The following GLS variants were observed in gnomAD, a reference collection of about 807,000 sequenced individuals.
GLS encodes glutaminase kidney isoform, mitochondrial.
GLS carries 36 observed loss-of-function variants against 86.7 expected under a neutral mutation model. That is an observed-to-expected ratio of 0.42 (90% CI 0.32 to 0.55). The LOEUF (loss-of-function observed/expected upper bound fraction) is 0.55. Among genes scored for constraint, GLS ranks in the 20% least tolerant of loss-of-function variants. The pLI is 0.17. For missense variants in GLS, 528 were observed against 833.4 expected (o/e 0.63, Z 4.51); for synonymous variants, 317 against 305.9 (o/e 1.04, Z -0.38).
intron 9 of GLS, among the ~76,000 whole-genome samples, chr2:190,922,214 C>A (rs373914163): frequency 6.6e-6 from 1 of 151,966 alleles, no homozygotes; most frequent in Non-Finnish European, 1.5e-5. Flanking sequence ...GGCAGCAGGC[C>A]GTATAGTGGA....
At position 190,895,742 on chromosome 2, in the gene GLS, A is replaced by C. The variant is rs964222551; in HGVS notation, c.605+17A>C. On this transcript the variant is annotated intron_variant, in intron 3 of 17. Transcript: ENST00000320717. The surrounding 1 kb of genome is among the most constrained non-coding windows in gnomAD (Gnocchi z 4.2). ...TTTTAAAAAGTAAAAGTTTCTGCCAAACCTTTAATGGTGATTTGCTATGCT... is the reference window on the plus strand; with the variant it reads ...TTTTAAAAAGTAAAAGTTTCTGCCACACCTTTAATGGTGATTTGCTATGCT... 1 of 1,574,038 alleles carries C rather than the reference A, an allele frequency of 6.4e-7. No homozygotes were observed. The highest frequency in any genetic ancestry group is 1.2e-5 in the South Asian group (1 of 85,272).
Position 190,931,213 on chromosome 2 carries a change from G to GTT in GLS, c.1558-331_1558-330insTT. On this transcript the variant is annotated intron_variant, in intron 13 of 17. Transcript: ENST00000320717. ...GAGTGCATATAAAATATAGTAGATTGTAACCAGAGTACTTATTTATATTTT... is the reference window on the plus strand; with the variant it reads ...GAGTGCATATAAAATATAGTAGATTGTTTAACCAGAGTACTTATTTATATTTT... Among the ~76,000 whole-genome samples, 3 of 152,204 alleles carry GTT rather than the reference G, an allele frequency of 2.0e-5. 1 individual carries two copies. The South Asian group carries it at 6.2e-4, about 32-fold the overall frequency.
intron 1 of GLS, among the ~76,000 whole-genome samples, chr2:190,885,390 A>T (rs755079713): frequency 2.0e-5 from 3 of 152,144 alleles, no homozygotes. Flanking sequence ...GGGTTTCACC[A>T]TGTTGGCTGG....
In GLS at chr2:190,938,265, G is replaced by A. The variant is rs1023505553; in HGVS notation, c.1650+6628G>A. 6.6e-6 allele frequency among the ~76,000 whole-genome samples: 1 copy of A among 151,302 alleles called. No homozygotes were observed. Among genetic ancestry groups the A allele is most frequent in the African/African-American group, 2.4e-5 (1 of 41,304 alleles). On this transcript the variant is annotated intron_variant, in intron 14 of 17. Coordinates refer to ENST00000320717, the MANE Select transcript of GLS (RefSeq NM_014905.5). The surrounding 1 kb of genome is among the most constrained non-coding windows in gnomAD (Gnocchi z 4.1). ...ATAATTAAAATTATCTATTTGGAAG[G>A]CTTAGCTTTTGAAAGAAAAAATTCT...
chr2:190,913,258 T>G lies in GLS; in HGVS notation c.1038+2937T>G. 7.7e-7 allele frequency: 1 copy of G among 1,300,462 alleles called. No individual in the cohort carries two copies. The highest frequency in any genetic ancestry group is 1.0e-6 in the Non-Finnish European group (1 of 987,656). 80.6% of individuals were successfully genotyped at this position (1,300,462 alleles called of 1,614,324 possible). A position where few individuals can be genotyped will look rare whatever the true frequency, so the allele number is the denominator to read the frequency against. On this transcript the variant is annotated intron_variant, in intron 7 of 17. Transcript: ENST00000320717. This position sits in a 1 kb window ranked among gnomAD's most constrained non-coding sequence, Gnocchi z 6.1. Reference sequence around the variant, plus strand: ...CAAATGTTCAAAAGGATTAGCAGATTGTGGAAAAAAGGAGAATTTGGACAG... The same window carrying G: ...CAAATGTTCAAAAGGATTAGCAGATGGTGGAAAAAAGGAGAATTTGGACAG...
chr2:190,918,408 G>A (rs186291006), intron 7 of GLS, among the ~76,000 whole-genome samples: 96 of 152,196 alleles, frequency 6.3e-4, no homozygotes, highest in African/African-American at 2.2e-3. Flanking sequence ...ACCCTTTTCC[G>A]CAGCTTCCTC....
chr2:190,907,765 G>A (rs890184930), intron 6 of GLS, among the ~76,000 whole-genome samples: 1 of 152,198 alleles, frequency 6.6e-6, no homozygotes, highest in Non-Finnish European at 1.5e-5. Context: ...ATTGTTAACA[G>A]CTCTGGAGGG....
chr2:190,899,641 T>G (rs969608013), intron 3 of GLS, among the ~76,000 whole-genome samples: 8 of 152,146 alleles, frequency 5.3e-5, no homozygotes, highest in Non-Finnish European at 1.0e-4. Flanking sequence ...CCTTTGTTAA[T>G]TAAATATTAA....
chr2:190,930,972 T>C lies in GLS; in HGVS notation c.1557+404T>C, dbSNP rs1330154353. Among the ~76,000 whole-genome samples, 1 of 152,156 alleles carries C rather than the reference T, an allele frequency of 6.6e-6. No individual in the cohort carries two copies. The highest frequency in any genetic ancestry group is 2.4e-5 in the African/African-American group (1 of 41,444). ...ACCTTTAAACATTTTTTTGAGGAAATAAGCACTGAAAATTAAAAAAAGATT... is the reference window on the plus strand; with the variant it reads ...ACCTTTAAACATTTTTTTGAGGAAACAAGCACTGAAAATTAAAAAAAGATT... On this transcript the variant is annotated intron_variant, in intron 13 of 17. Transcript: ENST00000320717. The surrounding 1 kb of genome is among the most constrained non-coding windows in gnomAD (Gnocchi z 5.0).
chr2:190,933,930 A>G (rs1162558559), intron 14 of GLS: 12 of 917,064 alleles, frequency 1.3e-5, no homozygotes, highest in Non-Finnish European at 1.6e-5. Flanking sequence ...TGGTATAAAA[A>G]TGCAATATTG....
chr2:190,881,410 C>G lies in GLS; in HGVS notation c.326C>G (p.Pro109Arg). The change falls in exon 1 of 18, where the codon CCC becomes CGC. Residue 109 changes from proline (P) to arginine (R), a missense_variant. By Grantham distance (103) the Pro-to-Arg change is moderately radical (BLOSUM62 -2). Around this residue, in one of 4 missense-constraint regions of GLS, gnomAD observed 224 missense variants for 187.9 expected, o/e 1.19. Coordinates refer to ENST00000320717, the MANE Select transcript of GLS (RefSeq NM_014905.5). ...APAAPGPKDGPGETDAFGNSE... is the reference protein window; with the variant it reads ...APAAPGPKDGRGETDAFGNSE... Reference sequence around the variant, plus strand: ...GCGGCGCCCGGCCCCAAGGACGGCCCCGGGGAGACGGACGCGTTTGGCAAC... The same window carrying G: ...GCGGCGCCCGGCCCCAAGGACGGCCGCGGGGAGACGGACGCGTTTGGCAAC... 6.5e-7 allele frequency: 1 copy of G among 1,544,814 alleles called. No individual in the cohort carries two copies. The highest frequency in any genetic ancestry group is 1.2e-5 in the South Asian group (1 of 83,890).
In GLS at chr2:190,930,714, C is replaced by T; in HGVS notation, c.1557+146C>T. On this transcript the variant is annotated intron_variant, in intron 13 of 17. Coordinates refer to ENST00000320717, the MANE Select transcript of GLS (RefSeq NM_014905.5). This position sits in a 1 kb window ranked among gnomAD's most constrained non-coding sequence, Gnocchi z 5.0. ...TACTAGGGAGCCGTGGAAATACTCCCAGAGGAGCTTCAAGTTGTCTCTGTC... is the reference window on the plus strand; with the variant it reads ...TACTAGGGAGCCGTGGAAATACTCCTAGAGGAGCTTCAAGTTGTCTCTGTC... 1 of 624,392 alleles carries T rather than the reference C, an allele frequency of 1.6e-6. No homozygotes were observed. The allele number at this position is 624,392 out of a possible 1,614,324, so 38.7% of individuals were successfully genotyped here.
intron 1 of GLS, among the ~76,000 whole-genome samples, chr2:190,892,235 G>C (rs1490757867): frequency 1.3e-5 from 2 of 152,134 alleles, no homozygotes; most frequent in African/African-American, 4.8e-5. Context: ...CAATATGATG[G>C]TAAGATGATC....
At chr2:190,960,625 C>A (rs796414417) in intron 17 of GLS, among the ~76,000 whole-genome samples, 53 of 152,194 alleles carry the variant, frequency 3.5e-4, no homozygotes, top group African/African-American at 1.3e-3. Flanking sequence ...GTCCTCCCAT[C>A]TCAGCCTCCC....
chr2:190,895,221 GA>G lies in GLS; in HGVS notation c.460del (p.Ile154TyrfsTer22). 6.8e-7 allele frequency: 1 copy of G among 1,469,544 alleles called. No individual in the cohort carries two copies. The highest frequency in any genetic ancestry group is 9.5e-7 in the Non-Finnish European group (1 of 1,053,348). 91.0% of individuals were successfully genotyped at this position (1,469,544 alleles called of 1,614,324 possible). A position where few individuals can be genotyped will look rare whatever the true frequency, so the allele number is the denominator to read the frequency against. On this transcript the variant is annotated frameshift_variant, in exon 2 of 18. Coordinates refer to ENST00000320717, the MANE Select transcript of GLS (RefSeq NM_014905.5). LOFTEE classifies it high-confidence loss of function. This position sits in a 1 kb window ranked among gnomAD's most constrained non-coding sequence, Gnocchi z 4.2. ...TCTATACAATTGCTGAAGGACAAGAGAAAATACCTGTTCATAAATTTATTAC... is the reference window on the plus strand; with the variant it reads ...TCTATACAATTGCTGAAGGACAAGAGAAATACCTGTTCATAAATTTATTAC... ...LFYTIAEGQE[K>X]IPVHKFITAL...
rs756985068 is a variant in GLS, at chr2:190,935,682, T to C, written c.1650+4045T>C. ...GTTGTTATTCACTATGTAACTCTCA[T>C]TTTATCTGTTGTTGCCTAAATAATA... is the stretch of plus-strand genomic sequence containing the variant. On this transcript the variant is annotated intron_variant, in intron 14 of 17. Coordinates refer to ENST00000320717, the MANE Select transcript of GLS (RefSeq NM_014905.5). The surrounding 1 kb of genome is among the most constrained non-coding windows in gnomAD (Gnocchi z 4.2). 4.0e-5 allele frequency among the ~76,000 whole-genome samples: 6 copies of C among 151,322 alleles called. No homozygotes were observed. Among genetic ancestry groups the C allele is most frequent in the Non-Finnish European group, 8.9e-5 (6 of 67,318 alleles).
chr2:190,889,040 A>G (rs567787627), intron 1 of GLS, among the ~76,000 whole-genome samples: 64 of 152,358 alleles, frequency 4.2e-4, no homozygotes, highest in African/African-American at 1.4e-3. Context: ...AATAAAGTTT[A>G]TGATCTCACT....
Position 190,954,563 on chromosome 2 carries a change from G to A in GLS, c.1713-21G>A. Reference sequence around the variant, plus strand: ...AAATTTGCTTTATATATAATAAATAGCTGTGCTTACACATTTTCAGATTTG... The same window carrying A: ...AAATTTGCTTTATATATAATAAATAACTGTGCTTACACATTTTCAGATTTG... On this transcript the variant is annotated intron_variant, in intron 15 of 17. Coordinates refer to ENST00000320717, the MANE Select transcript of GLS (RefSeq NM_014905.5). This position sits in a 1 kb window ranked among gnomAD's most constrained non-coding sequence, Gnocchi z 4.0. 6.4e-7 allele frequency: 1 copy of A among 1,553,126 alleles called. No homozygotes were observed. The highest frequency in any genetic ancestry group is 1.1e-5 in the South Asian group (1 of 88,704).
In GLS at chr2:190,914,293, G is replaced by C. The variant is rs1689452890; in HGVS notation, c.1038+3972G>C. On this transcript the variant is annotated intron_variant, in intron 7 of 17. Transcript: ENST00000320717. The surrounding 1 kb of genome is among the most constrained non-coding windows in gnomAD (Gnocchi z 4.4). ...AGTTTGGTTATGTTAGCAATAACCT[G>C]TTAGGCATGCTTATAAGACAGGTTT... Among the ~76,000 whole-genome samples the C allele has an allele frequency of 1.3e-5, 2 of 152,196 alleles. No individual in the cohort carries two copies. Among genetic ancestry groups the C allele is most frequent in the South Asian group, 4.1e-4 (2 of 4,824 alleles).
Sources: gnomAD v4.1 joint callset for allele counts (sites outside exome capture counted in the v4.1 genomes callset) on GRCh38, gnomAD v4.1.1 for gene constraint, gnomAD v4.1.1 regional missense constraint, Gnocchi (gnomAD v3.1) non-coding constraint, MANE v1.5 for transcripts, NCBI Gene and HGNC (gene_info 2026-07-23, HGNC 2026-07-21) for gene names.